The following DPH6 variants were observed in gnomAD, a reference collection of about 807,000 sequenced individuals.
DPH6 encodes the protein diphthamine biosynthesis 6.
In DPH6, 33 loss-of-function variants were observed where a neutral mutation model predicts 38.2. The observed-to-expected ratio is 0.86, with a 90% CI of 0.65 to 1.15. DPH6 has a LOEUF of 1.15. Among genes scored for constraint, DPH6 ranks in the 50% most tolerant of loss-of-function variants. The probability of loss-of-function intolerance (pLI) is 0.00; values close to 1 mark genes in which losing one functional copy is unlikely to be tolerated. For missense variants in DPH6, 325 were observed against 320.0 expected (o/e 1.02, Z -0.12); for synonymous variants, 108 against 103.0 (o/e 1.05, Z -0.30).
chr15:35,538,580 C>CTA, intron 2 of DPH6, 113 bp from the exon 3 acceptor site: 1 of 895,176 alleles, frequency 1.1e-6, no homozygotes, highest in South Asian at 3.1e-5. Flanking sequence ...TGAAAGCTTG[C>CTA]TATACTATGT....
At chr15:35,334,272 A>C (rs1200522570) in intron 3 of DPH6, among the ~76,000 whole-genome samples, 1 of 152,156 alleles carries the variant, frequency 6.6e-6, no homozygotes, top group African/African-American at 2.4e-5. Context: ...TGAATTTCTA[A>C]TTAAGTTCGG....
chr15:35,204,800 A>G, the DPH6 span, among the ~76,000 whole-genome samples: 2 of 151,940 alleles, frequency 1.3e-5, no homozygotes, highest in Admixed American at 6.6e-5. Context: ...AAATCTTCCT[A>G]AAACAACCAC....
chr15:35,523,624 T>C (rs983900296), intron 3 of DPH6, among the ~76,000 whole-genome samples: 4 of 152,140 alleles, frequency 2.6e-5, no homozygotes, highest in Non-Finnish European at 1.5e-5. Flanking sequence ...GCTGGCATCA[T>C]CAGCAATGTT....
chr15:35,494,793 T>TA (rs2054527751), intron 3 of DPH6, among the ~76,000 whole-genome samples: 2 of 151,966 alleles, frequency 1.3e-5, no homozygotes, highest in African/African-American at 4.8e-5. Flanking sequence ...GATTTTTTTT[T>TA]TAAAAAAAAA....
At chr15:35,514,567 G>T (rs995973669) in intron 3 of DPH6, among the ~76,000 whole-genome samples, 1 of 152,114 alleles carries the variant, frequency 6.6e-6, no homozygotes, top group Non-Finnish European at 1.5e-5. Flanking sequence ...CATTGAATTG[G>T]AAGTTTGATT....
intron 3 of DPH6, among the ~76,000 whole-genome samples, chr15:35,515,482 G>A (rs995119339): frequency 2.0e-5 from 3 of 151,956 alleles, no homozygotes; most frequent in Non-Finnish European, 4.4e-5. Flanking sequence ...AGCACTTTGG[G>A]AGGCCGAGGT....
chr15:35,381,489 G>A (rs1337383878), intron 7 of DPH6, among the ~76,000 whole-genome samples: 2 of 152,196 alleles, frequency 1.3e-5, no homozygotes, highest in African/African-American at 4.8e-5. Flanking sequence ...ATCAAATGTA[G>A]CTGTAATGAA....
In DPH6 at chr15:35,413,158, A is replaced by T. The variant is rs985045638; in HGVS notation, c.506-2262T>A. Among the ~76,000 whole-genome samples the T allele has an allele frequency of 4.6e-5, 7 of 151,768 alleles. 1 individual carries two copies. In the Middle Eastern group the frequency reaches 0.014, roughly 295 times the overall value. The stretch of plus-strand genomic sequence containing the variant: ...TACAACTGCTTTAACAAAATAAAAT[A>T]AAAAAATTTGGTAAAGTTTCCTTGT... On this transcript the variant is annotated intron_variant, in intron 5 of 8. Coordinates refer to ENST00000256538, the MANE Select transcript of DPH6 (RefSeq NM_080650.4).
intron 3 of DPH6, among the ~76,000 whole-genome samples, chr15:35,479,190 T>C (rs1043412488): frequency 7.9e-5 from 12 of 152,032 alleles, no homozygotes; most frequent in Non-Finnish European, 1.8e-4. Flanking sequence ...AACTTTTCAA[T>C]AAGTAGACCT....
chr15:35,513,696 A>T (rs2054806836), intron 3 of DPH6, among the ~76,000 whole-genome samples: 1 of 151,998 alleles, frequency 6.6e-6, no homozygotes, highest in South Asian at 2.1e-4. Flanking sequence ...ATAACAAAAC[A>T]AACTTTATAG....
At chr15:35,355,277 C>T (rs2052550011) in intron 3 of DPH6, among the ~76,000 whole-genome samples, 1 of 152,090 alleles carries the variant, frequency 6.6e-6, no homozygotes, top group African/African-American at 2.4e-5. Flanking sequence ...AGCATTTAGC[C>T]CATTTACATT....
chr15:35,521,909 C>A, intron 3 of DPH6: 1 of 1,411,604 alleles, frequency 7.1e-7, no homozygotes, highest in Non-Finnish European at 9.2e-7. Context: ...GATGAATCTC[C>A]TTTAAGTTGA....
intron 3 of DPH6, among the ~76,000 whole-genome samples, chr15:35,355,534 T>C (rs1217313847): frequency 6.6e-6 from 1 of 152,220 alleles, no homozygotes; most frequent in African/African-American, 2.4e-5. Flanking sequence ...TTATTTCTCC[T>C]CCACTTATGA....
downstream of DPH6, chr15:35,370,751 A>G (rs1191251806): frequency 1.3e-5 from 2 of 151,804 alleles, no homozygotes; most frequent in Non-Finnish European, 3.0e-5. Context: ...ACAAAATAGT[A>G]CAACTACTTT....
intron 7 of DPH6, among the ~76,000 whole-genome samples, chr15:35,379,393 T>C (rs2052832292): frequency 2.0e-5 from 3 of 152,188 alleles, no homozygotes; most frequent in African/African-American, 7.2e-5. Flanking sequence ...CAGACAATTA[T>C]TACATCAAAT....
At chr15:35,439,017 A>G (rs1034354683) in intron 5 of DPH6, among the ~76,000 whole-genome samples, 1 of 152,244 alleles carries the variant, frequency 6.6e-6, no homozygotes, top group Non-Finnish European at 1.5e-5. Context: ...ATTGAAATAA[A>G]AGCACAACAA....
chr15:35,259,706 C>T (rs1046233031), intron 3 of DPH6, among the ~76,000 whole-genome samples: 1 of 152,208 alleles, frequency 6.6e-6, no homozygotes, highest in African/African-American at 2.4e-5. Context: ...TACTGAGCAG[C>T]CAATATAAGT....
At chr15:35,527,030 A>C (rs1464585281) in intron 3 of DPH6, among the ~76,000 whole-genome samples, 1 of 152,160 alleles carries the variant, frequency 6.6e-6, no homozygotes, top group African/African-American at 2.4e-5. Context: ...TCTATAATAT[A>C]AATTTACCCC....
At chr15:35,441,532 C>G (rs918464617) in intron 5 of DPH6, among the ~76,000 whole-genome samples, 1 of 152,108 alleles carries the variant, frequency 6.6e-6, no homozygotes, top group African/African-American at 2.4e-5. Flanking sequence ...AAGCTGGAAA[C>G]CATCATTCTC....
Sources: gnomAD v4.1 joint callset for allele counts (sites outside exome capture counted in the v4.1 genomes callset) on GRCh38, gnomAD v4.1.1 for gene constraint, MANE v1.5 for transcripts, NCBI Gene and HGNC (gene_info 2026-07-23, HGNC 2026-07-21) for gene names.